SP100: variants seen among roughly 807,000 people sequenced by gnomAD.
SP100 encodes nuclear autoantigen Sp-100.
A neutral mutation model predicts 130.0 loss-of-function variants in SP100; 84 were observed. That is an observed-to-expected ratio of 0.65 (90% CI 0.54 to 0.77). The LOEUF (loss-of-function observed/expected upper bound fraction) is 0.77. Ranked by LOEUF, SP100 falls within the 30% of genes least tolerant of loss-of-function variation. The probability of loss-of-function intolerance (pLI) is 0.00; values close to 1 mark genes in which losing one functional copy is unlikely to be tolerated. For missense variants in SP100, 978 were observed against 1,052.2 expected (o/e 0.93, Z 0.97); for synonymous variants, 331 against 351.7 (o/e 0.94, Z 0.66).
At chr2:230,493,552 T>C (rs1457137966) in intron 17 of SP100, among the ~76,000 whole-genome samples, 5 of 152,222 alleles carry the variant, frequency 3.3e-5, no homozygotes, top group Non-Finnish European at 4.4e-5. Context: ...TTAAAATTTC[T>C]TGTTTCCTTT....
At chr2:230,469,634 G>A in intron 14 of SP100, 1 of 625,878 alleles carries the variant, frequency 1.6e-6, no homozygotes, top group South Asian at 1.9e-5. Flanking sequence ...GGAGACCAGA[G>A]ACAGAATAGG....
intron 2 of SP100, among the ~76,000 whole-genome samples, chr2:230,420,492 C>T (rs565724101): frequency 1.3e-5 from 2 of 152,174 alleles, no homozygotes; most frequent in South Asian, 2.1e-4. Context: ...AAGGGGAATA[C>T]TTATAATGTT....
At chr2:230,454,904 T>C (rs956378288) in intron 8 of SP100, among the ~76,000 whole-genome samples, 22 of 152,206 alleles carry the variant, frequency 1.4e-4, no homozygotes, top group Non-Finnish European at 4.4e-5. Flanking sequence ...AGTATTATTG[T>C]ATTAGTCTCT....
chr2:230,540,938 A>G lies in SP100; in HGVS notation c.2273A>G (p.Gln758Arg), dbSNP rs1366664872. The stretch of plus-strand genomic sequence containing the variant: ...ATTCAGGAAAGATGCCCAGAAAGCC[A>G]ATCAGGTCATCAGGAATCTGAAGTC... ...KTIQERCPES[Q>R]SGHQESEVLM... The change falls in exon 26 of 29, where the codon CAA (glutamine) becomes CGA (arginine). Residue 758 changes from glutamine to arginine, a missense_variant. Transcript: ENST00000340126. 5.0e-6 allele frequency: 8 copies of G among 1,613,748 alleles called. No individual in the cohort carries two copies. The highest frequency in any genetic ancestry group is 5.9e-6 in the Non-Finnish European group (7 of 1,179,796).
chr2:230,533,360 C>G (rs1691790969), intron 24 of SP100, among the ~76,000 whole-genome samples: 1 of 152,134 alleles, frequency 6.6e-6, no homozygotes, highest in Non-Finnish European at 1.5e-5. Flanking sequence ...GAGGAGTAAC[C>G]TAAATACTTT....
rs544806502 is a variant in SP100 at position 230,529,527 on chromosome 2, G to A, written c.2095-9740G>A. Among the ~76,000 whole-genome samples the A allele has an allele frequency of 7.2e-5, 11 of 152,288 alleles. No homozygotes were observed. The South Asian group carries it at 2.3e-3, about 32-fold the overall frequency. ...CCTTTGAAAACCGGCACAAGACAAG[G>A]ATGCCCTCTCTCACGACTCTTATTC... On this transcript the variant is annotated intron_variant, in intron 24 of 28. Coordinates refer to ENST00000340126, the MANE Select transcript of SP100 (RefSeq NM_001080391.2).
chr2:230,542,190 G>A (rs1209773534), intron 28 of SP100, among the ~76,000 whole-genome samples, 155 bp downstream of exon 28: 1 of 152,152 alleles, frequency 6.6e-6, no homozygotes, highest in Non-Finnish European at 1.5e-5. Context: ...TAAAAGCCCT[G>A]TAGTGCATGT....
At chr2:230,515,126 C>T in intron 24 of SP100, 1 of 1,612,634 alleles carries the variant, frequency 6.2e-7, no homozygotes. Flanking sequence ...CCAGATGCTT[C>T]AGTCAAGTTC....
Position 230,544,973 on chromosome 2 carries a change from C to T in SP100, c.*2027C>T, listed in dbSNP as rs1692270656. On this transcript the variant is annotated 3_prime_UTR_variant, in exon 29 of 29. Transcript: ENST00000340126. ...TTGTGGAGAAAAGGGAACATTTATA[C>T]ACTATTGATGGGAGTGTAAATTAGT... 6.6e-6 allele frequency among the ~76,000 whole-genome samples: 1 copy of T among 152,144 alleles called. No homozygotes were observed. The highest frequency in any genetic ancestry group is 2.4e-5 in the African/African-American group (1 of 41,436).
intron 8 of SP100, among the ~76,000 whole-genome samples, chr2:230,458,796 A>G (rs1349301166): frequency 6.6e-6 from 1 of 152,188 alleles, no homozygotes; most frequent in African/African-American, 2.4e-5. Flanking sequence ...AAAGACAAAA[A>G]GTGATATAGC....
At position 230,421,504 on chromosome 2, in the gene SP100, C is replaced by CATATATATATATATATAT. The variant is rs55963279; in HGVS notation, c.107+3840_107+3857dup. ...TGACTAAGAGTTTATAGAAGATATA[C>CATATATATATATATATAT]ATATATATATATATATATCCTACCT... On this transcript the variant is annotated intron_variant, in intron 2 of 28. Coordinates refer to ENST00000340126, the MANE Select transcript of SP100 (RefSeq NM_001080391.2). Among the ~76,000 whole-genome samples the CATATATATATATATATAT allele has an allele frequency of 3.6e-4, 53 of 146,270 alleles. 1 individual carries two copies. The highest frequency in any genetic ancestry group is 1.3e-3 in the African/African-American group (51 of 39,642).
intron 19 of SP100, among the ~76,000 whole-genome samples, chr2:230,501,032 C>T (rs1559522460): frequency 6.6e-6 from 1 of 151,648 alleles, no homozygotes; most frequent in South Asian, 2.1e-4. Flanking sequence ...TGCTTAAGCC[C>T]TGGATTTAAG....
chr2:230,462,494 A>G lies in SP100; in HGVS notation c.1033A>G (p.Ile345Val). The G allele has an allele frequency of 6.2e-7, 1 of 1,613,518 alleles. No homozygotes were observed. Among genetic ancestry groups the G allele is most frequent in the Non-Finnish European group, 8.5e-7 (1 of 1,179,580 alleles). The change falls in exon 10 of 29, where the codon ATC (isoleucine) becomes GTC (valine). Residue 345 changes from isoleucine to valine, a missense_variant. Physicochemically the swap from Ile to Val is conservative, Grantham distance 29. Transcript: ENST00000340126. ...TDVDEPLEVF[I>V]SAPRSEPVIN... ...CGTTGATGAGCCCTTAGAAGTCTTC[A>G]TCTCAGCACCGAGAAGTGAGCCTGG... is the stretch of plus-strand genomic sequence containing the variant.
intron 24 of SP100, among the ~76,000 whole-genome samples, chr2:230,528,617 C>CA (rs1253584935): frequency 3.3e-5 from 5 of 151,994 alleles, no homozygotes; most frequent in South Asian, 2.1e-4. Context: ...AAAAACCCAT[C>CA]AAAAAATCAA....
intron 2 of SP100, among the ~76,000 whole-genome samples, chr2:230,420,992 T>C (rs1303005234): frequency 1.3e-5 from 2 of 152,240 alleles, no homozygotes. Context: ...TTTCATTCCC[T>C]GTCCATTCTC....
At chr2:230,467,911 C>A (rs2065042672) in intron 13 of SP100, among the ~76,000 whole-genome samples, 1 of 152,206 alleles carries the variant, frequency 6.6e-6, no homozygotes, top group Non-Finnish European at 1.5e-5. Flanking sequence ...GTTCAAAATT[C>A]CAAAGCTTCT....
At chr2:230,534,438 CTACTT>C (rs1427583011) in intron 24 of SP100, among the ~76,000 whole-genome samples, 3 of 152,172 alleles carry the variant, frequency 2.0e-5, no homozygotes, top group Non-Finnish European at 4.4e-5. Context: ...AAATCAATGA[CTACTT>C]TACAGTGACC....
intron 2 of SP100, among the ~76,000 whole-genome samples, chr2:230,439,629 G>T (rs2063407339): frequency 6.6e-6 from 1 of 151,864 alleles, no homozygotes; most frequent in South Asian, 2.1e-4. Flanking sequence ...TGCAGCTGTT[G>T]TAAAAGGGAT....
At chr2:230,465,507 A>G (rs1212649159) in intron 11 of SP100, among the ~76,000 whole-genome samples, 2 of 152,230 alleles carry the variant, frequency 1.3e-5, no homozygotes, top group South Asian at 2.1e-4. Flanking sequence ...ACCAAATACC[A>G]TATGTTCTCA....
Sources: gnomAD v4.1 joint callset for allele counts (sites outside exome capture counted in the v4.1 genomes callset) on GRCh38, gnomAD v4.1.1 for gene constraint, MANE v1.5 for transcripts, NCBI Gene and HGNC (gene_info 2026-07-23, HGNC 2026-07-21) for gene names.